The following ZNF609 variants were observed in gnomAD, a reference collection of about 807,000 sequenced individuals.
The protein encoded by ZNF609 is zinc finger protein 609.
ZNF609 carries 11 observed loss-of-function variants against 109.5 expected under a neutral mutation model. The ratio of observed to expected loss-of-function variants is 0.10; its 90% CI spans 0.06 to 0.17. The LOEUF is 0.17. ZNF609 is among the 10% of genes least tolerant of loss of function. The probability of loss-of-function intolerance (pLI) is 1.00; values close to 1 mark genes in which losing one functional copy is unlikely to be tolerated. For missense variants in ZNF609, 1,559 were observed against 1,772.4 expected (o/e 0.88, Z 2.16); for synonymous variants, 646 against 662.0 (o/e 0.98, Z 0.37).
At chr15:64,634,658 C>T (rs1896145201) in intron 3 of ZNF609, among the ~76,000 whole-genome samples, 3 of 152,184 alleles carry the variant, frequency 2.0e-5, no homozygotes, top group Admixed American at 6.5e-5. Flanking sequence ...AGGCAGTACT[C>T]ACCTAGAGGA....
chr15:64,659,460 T>C, intron 3 of ZNF609, among the ~76,000 whole-genome samples: 1 of 152,154 alleles, frequency 6.6e-6, no homozygotes, highest in South Asian at 2.1e-4. Flanking sequence ...TAAAGTAGAT[T>C]GGAAGAAGGA....
intron 1 of ZNF609, among the ~76,000 whole-genome samples, chr15:64,491,572 G>A (rs1370148534): frequency 1.3e-5 from 2 of 152,170 alleles, no homozygotes; most frequent in Non-Finnish European, 2.9e-5. Context: ...AGTTTTGCCG[G>A]GTGTGGTGGC....
At chr15:64,679,297 C>A (rs1336117306) in intron 6 of ZNF609, among the ~76,000 whole-genome samples, 1 of 152,210 alleles carries the variant, frequency 6.6e-6, no homozygotes, top group Non-Finnish European at 1.5e-5. Context: ...GTCTTGAACT[C>A]CCGACCTCAG....
At chr15:64,496,261 A>G (rs1893480834) in intron 1 of ZNF609, among the ~76,000 whole-genome samples, 1 of 151,726 alleles carries the variant, frequency 6.6e-6, no homozygotes, top group Non-Finnish European at 1.5e-5. Flanking sequence ...CGCTTTCCTT[A>G]CTCCTCCAGA....
chr15:64,604,632 G>A (rs1895564461), intron 2 of ZNF609, among the ~76,000 whole-genome samples: 1 of 152,114 alleles, frequency 6.6e-6, no homozygotes, highest in South Asian at 2.1e-4. Context: ...GTAGTGGTCA[G>A]GACTTTTTCA....
intron 2 of ZNF609, among the ~76,000 whole-genome samples, chr15:64,583,370 AAATTT>A (rs1411999807): frequency 1.3e-5 from 2 of 151,956 alleles, no homozygotes; most frequent in African/African-American, 4.8e-5. Context: ...AAATTAAATT[AAATTT>A]AAAAATAAAA....
At chr15:64,520,026 C>A (rs1217526979) in intron 2 of ZNF609, among the ~76,000 whole-genome samples, 1 of 152,166 alleles carries the variant, frequency 6.6e-6, no homozygotes, top group Non-Finnish European at 1.5e-5. Context: ...TCTTGTCTTT[C>A]CAGGCAGGTG....
At chr15:64,527,954 T>A (rs577214867) in intron 2 of ZNF609, among the ~76,000 whole-genome samples, 1 of 152,338 alleles carries the variant, frequency 6.6e-6, no homozygotes, top group Admixed American at 6.5e-5. Flanking sequence ...TAAATATCAC[T>A]TTCTCTTTAC....
Position 64,667,184 on chromosome 15 carries a change from G to C in ZNF609, c.974-3162G>C, listed in dbSNP as rs1404619331. Reference sequence around the variant, plus strand: ...GAGATTTGTAGAAGCCAAGTGACTTGTTCAAGGTTACACTATAACAAAGCC... The same window carrying C: ...GAGATTTGTAGAAGCCAAGTGACTTCTTCAAGGTTACACTATAACAAAGCC... On this transcript the variant is annotated intron_variant, in intron 3 of 9. Transcript: ENST00000326648. Among the ~76,000 whole-genome samples, 3 of 152,244 alleles carry C rather than the reference G, an allele frequency of 2.0e-5. No individual in the cohort carries two copies. The East Asian group carries it at 5.8e-4, about 29-fold the overall frequency.
intron 1 of ZNF609, among the ~76,000 whole-genome samples, chr15:64,464,347 C>T (rs1892982364): frequency 6.6e-6 from 1 of 152,214 alleles, no homozygotes; most frequent in African/African-American, 2.4e-5. Flanking sequence ...CAGAAGTTCC[C>T]ACTCTGCTTC....
rs985058500 is a variant in ZNF609, at chr15:64,678,321, G to A, written c.3608G>A (p.Ser1203Asn). Residue 1203 changes from serine (S) to asparagine (N), a missense_variant, in exon 6 of 10, where the codon AGC (serine) becomes AAC (asparagine). Physicochemically the swap from Ser to Asn is conservative, Grantham distance 46. Around this residue, in one of 4 missense-constraint regions of ZNF609, gnomAD observed 1,204 missense variants for 1,314.1 expected, o/e 0.92. Transcript: ENST00000326648. The part of the protein sequence containing the change: ...LPTSEESRLG[S>N]KEPRPSVHVP... ...ACGTCAGAGGAGTCTCGCCTTGGGA[G>A]CAAGGAGCCCCGGCCAAGTGTCCAT... is the stretch of plus-strand genomic sequence containing the variant. 1.2e-5 allele frequency: 20 copies of A among 1,614,004 alleles called. No homozygotes were observed. The African/African-American group carries it at 2.3e-4, about 18-fold the overall frequency.
chr15:64,467,963 C>T (rs554787298), intron 1 of ZNF609, among the ~76,000 whole-genome samples: 3 of 151,584 alleles, frequency 2.0e-5, no homozygotes, highest in South Asian at 2.1e-4. Flanking sequence ...GTCTTTGTTA[C>T]AGTTAAGATA....
intron 2 of ZNF609, among the ~76,000 whole-genome samples, chr15:64,547,653 T>C (rs927821450): frequency 5.3e-5 from 8 of 152,086 alleles, no homozygotes; most frequent in Admixed American, 3.3e-4. Context: ...CTTACCACTT[T>C]TTTTTTTTTG....
chr15:64,470,994 A>G (rs1189435004), intron 1 of ZNF609, among the ~76,000 whole-genome samples: 1 of 152,196 alleles, frequency 6.6e-6, no homozygotes, highest in East Asian at 1.9e-4. Context: ...GTTGTTGTTA[A>G]CATAGCAAAA....
chr15:64,555,488 ACCT>A (rs1244456908), intron 2 of ZNF609, among the ~76,000 whole-genome samples: 1 of 151,722 alleles, frequency 6.6e-6, no homozygotes, highest in African/African-American at 2.4e-5. Context: ...GCATGGTGAA[ACCT>A]CGTCTCTACT....
At chr15:64,521,159 C>A (rs1452546985) in intron 2 of ZNF609, among the ~76,000 whole-genome samples, 1 of 152,138 alleles carries the variant, frequency 6.6e-6, no homozygotes, top group African/African-American at 2.4e-5. Flanking sequence ...AACCCACGTC[C>A]ATGTCTTAAG....
intron 1 of ZNF609, among the ~76,000 whole-genome samples, chr15:64,481,143 G>T (rs1157509112): frequency 6.6e-6 from 1 of 152,054 alleles, no homozygotes; most frequent in African/African-American, 2.4e-5. Context: ...ATATATTAGG[G>T]TGAGTGGAGA....
rs184914529 is a variant in ZNF609, at chr15:64,529,501, T to C, written c.747+29335T>C. ...CCCGTTCTCAGCCTTGACGGTGCCA[T>C]GGAATTTGCCATGTGTAGAATCATA... On this transcript the variant is annotated intron_variant, in intron 2 of 9. Transcript: ENST00000326648. 1.9e-4 allele frequency: 220 copies of C among 1,131,482 alleles called. 1 individual carries two copies. In the African/African-American group the frequency reaches 2.9e-3, roughly 15 times the overall value. 70.1% of individuals were successfully genotyped at this position (1,131,482 alleles called of 1,614,324 possible).
chr15:64,607,844 TTTC>T (rs1567027671), intron 2 of ZNF609, among the ~76,000 whole-genome samples: 133 of 12,572 alleles, frequency 0.011, 15 homozygotes, highest in East Asian at 0.1. Flanking sequence ...TCTTTCTTTC[TTTC>T]TTTCTTTCTT....
Sources: allele counts gnomAD v4.1 joint callset (sites outside exome capture counted in the v4.1 genomes callset), GRCh38; gene constraint gnomAD v4.1.1; regional missense constraint gnomAD v4.1.1; transcripts MANE v1.5; gene names NCBI Gene and HGNC (gene_info 2026-07-23, HGNC 2026-07-21).